The following DYRK1B variants were observed in gnomAD, a reference collection of about 807,000 sequenced individuals.
The protein encoded by DYRK1B is dual specificity tyrosine-phosphorylation-regulated kinase 1B.
In DYRK1B, 20 loss-of-function variants were observed where a neutral mutation model predicts 57.1. The observed-to-expected ratio is 0.35, with a 90% CI of 0.25 to 0.51. DYRK1B has a LOEUF of 0.51. DYRK1B is among the 20% of genes least tolerant of loss of function. The pLI is 0.96. For missense variants in DYRK1B, 732 were observed against 886.3 expected, an observed-to-expected ratio of 0.83 and a Z score of 2.21; for synonymous variants, 409 against 384.7, an observed-to-expected ratio of 1.06 and a Z score of -0.74.
At position 39,830,567 on chromosome 19, in the gene DYRK1B, C is replaced by CCCAG. The variant is rs763058312; in HGVS notation, c.184-8_184-5dup. 9.9e-6 allele frequency: 16 copies of CCCAG among 1,613,936 alleles called. No homozygotes were observed. The highest frequency in any genetic ancestry group is 8.8e-5 in the South Asian group (8 of 91,088). The stretch of plus-strand genomic sequence containing the variant: ...GCTTCTTCTTCGCATAGTATACCTG[C>CCCAG]CCAGCCAGCCAGCCAGGAGATGGGG... On this transcript the variant is annotated splice_region_variant and splice_polypyrimidine_tract_variant and intron_variant, in intron 3 of 10. Coordinates refer to ENST00000323039, the MANE Select transcript of DYRK1B (RefSeq NM_004714.3).
In DYRK1B at chr19:39,825,965, C is replaced by A. The variant is rs375200082; in HGVS notation, c.1640G>T (p.Arg547Leu). 5 of 1,486,146 alleles carry A rather than the reference C, an allele frequency of 3.4e-6. No individual in the cohort carries two copies. The highest frequency in any genetic ancestry group is 4.5e-6 in the Non-Finnish European group (5 of 1,118,964). The allele number at this position is 1,486,146 out of a possible 1,614,324, so 92.1% of individuals were successfully genotyped here. ...TGGTGATGGGGGACGACCAAGGTAT[C>A]GGGGCTGGGGGGGTAACTGGGCCCC... is the stretch of plus-strand genomic sequence containing the variant. ...GTGAQLPPQP[R>L]YLGRPPSPTS... The change falls in exon 11 of 11, where the codon CGA becomes CTA. Residue 547 changes from arginine to leucine, a missense_variant. This residue lies in a region of DYRK1B where 222 missense variants were observed against 205.0 expected (regional missense o/e 1.08). Coordinates refer to ENST00000323039, the MANE Select transcript of DYRK1B (RefSeq NM_004714.3).
At chr19:39,833,187 T>C in intron 1 of DYRK1B, 1 of 985,720 alleles carries the variant, frequency 1.0e-6, no homozygotes. Flanking sequence ...TCCTCCACCC[T>C]TGGAGCTTCC....
At chr19:39,830,109 G>GACCC in intron 4 of DYRK1B, 82 bp from the exon 5 acceptor site, 1 of 1,537,658 alleles carries the variant, frequency 6.5e-7, no homozygotes. Flanking sequence ...CAGGCAAGGA[G>GACCC]ACCCACCAAG....
chr19:39,830,625 C>A (rs755676515), intron 3 of DYRK1B, 39 bp downstream of exon 3: 1 of 1,612,980 alleles, frequency 6.2e-7, no homozygotes, highest in Non-Finnish European at 8.5e-7. Flanking sequence ...CAGACAAGAC[C>A]CTCGGCACCC....
rs750833274 is a variant in DYRK1B at position 39,827,673 on chromosome 19, C to T, written c.808-17G>A. 11 of 1,608,642 alleles carry T rather than the reference C, an allele frequency of 6.8e-6. No homozygotes were observed. The highest frequency in any genetic ancestry group is 9.4e-6 in the Non-Finnish European group (11 of 1,175,910). On this transcript the variant is annotated splice_polypyrimidine_tract_variant and intron_variant, in intron 6 of 10. Transcript: ENST00000323039. ...CTGGTAGATCTGGGAAAAGGGTAAT[C>T]GTCAAGGGACCCAGCCTCCCCTACT...
chr19:39,828,234 C>G lies in DYRK1B; in HGVS notation c.807+63G>C. On this transcript the variant is annotated intron_variant, in intron 6 of 10. Transcript: ENST00000323039. The surrounding 1 kb of genome is among the most constrained non-coding windows in gnomAD (Gnocchi z 4.3). ...TCCCAGCCAAGCCCCGCCCCTAAGC[C>G]TCCCGTTGGCTCTGCCCCACCCAAA... 1 of 1,565,410 alleles carries G rather than the reference C, an allele frequency of 6.4e-7. No individual in the cohort carries two copies. Among genetic ancestry groups the G allele is most frequent in the South Asian group, 1.2e-5 (1 of 85,016 alleles).
intron 5 of DYRK1B, 132 bp downstream of exon 5, chr19:39,829,748 G>A (rs756008652): frequency 1.0e-6 from 1 of 1,001,552 alleles, no homozygotes; most frequent in Non-Finnish European, 1.4e-6. Flanking sequence ...TGATGTCAGA[G>A]AAGCACAGAC....
Position 39,828,642 on chromosome 19 carries a change from GGCCT to G in DYRK1B, c.521-63_521-60del. On this transcript the variant is annotated intron_variant, in intron 5 of 10. Transcript: ENST00000323039. The surrounding 1 kb of genome is among the most constrained non-coding windows in gnomAD (Gnocchi z 4.3). ...AAACGGCTCAGAGAGGGCAGGTGGT[GGCCT>G]GGGGTCATACAACGCTCTTTGATTA... 6.5e-7 allele frequency: 1 copy of G among 1,535,122 alleles called. No homozygotes were observed. The highest frequency in any genetic ancestry group is 2.3e-5 in the East Asian group (1 of 43,366).
intron 2 of DYRK1B, among the ~76,000 whole-genome samples, chr19:39,831,227 C>G (rs1360150100): frequency 6.6e-6 from 1 of 152,178 alleles, no homozygotes; most frequent in Non-Finnish European, 1.5e-5. Flanking sequence ...ACAGTTCTTT[C>G]ACCCCAAGGC....
Position 39,831,976 on chromosome 19 carries a change from C to CAGGTCTCAGCTG in DYRK1B, c.-101-9_-101-8insCAGCTGAGACCT, listed in dbSNP as rs1272133681. Reference sequence around the variant, plus strand: ...TGCCACCGCCGCTGAGACCTGAGAGCAGACAGGAAGTGGGAAAACAACATG... The same window carrying CAGGTCTCAGCTG: ...TGCCACCGCCGCTGAGACCTGAGAGCAGGTCTCAGCTGAGACAGGAAGTGGGAAAACAACATG... On this transcript the variant is annotated splice_polypyrimidine_tract_variant and intron_variant, in intron 1 of 10. Transcript: ENST00000323039. The CAGGTCTCAGCTG allele has an allele frequency of 1.4e-6, 2 of 1,421,708 alleles. No homozygotes were observed. Among genetic ancestry groups the CAGGTCTCAGCTG allele is most frequent in the Non-Finnish European group, 1.8e-6 (2 of 1,089,834 alleles). The allele number at this position is 1,421,708 out of a possible 1,614,324, so 88.1% of individuals were successfully genotyped here.
In DYRK1B at chr19:39,826,189, G is replaced by A; in HGVS notation, c.1509C>T (p.Asn503=). ...PGPPITDCEM[N]SPQVPPSQPL... ...CCCAAAGCCCCATTACCTGGGGGCT[G>A]TTCATCTCACAGTCTGTGATAGGGG... Residue 503 remains asparagine (N), a synonymous_variant, in exon 10 of 11, where the codon AAC becomes AAT. Coordinates refer to ENST00000323039, the MANE Select transcript of DYRK1B (RefSeq NM_004714.3). This position sits in a 1 kb window ranked among gnomAD's most constrained non-coding sequence, Gnocchi z 6.3. 3 of 1,587,786 alleles carry A rather than the reference G, an allele frequency of 1.9e-6. No homozygotes were observed. The highest frequency in any genetic ancestry group is 1.7e-6 in the Non-Finnish European group (2 of 1,169,384).
chr19:39,828,591 G>T lies in DYRK1B; in HGVS notation c.521-8C>A. Reference sequence around the variant, plus strand: ...AGTGCCGCTTCAGGTGTACTGCGGGGGAGGGGAGGAAATGGGCCAGAGAAG... The same window carrying T: ...AGTGCCGCTTCAGGTGTACTGCGGGTGAGGGGAGGAAATGGGCCAGAGAAG... On this transcript the variant is annotated splice_region_variant and splice_polypyrimidine_tract_variant and intron_variant, in intron 5 of 10. Transcript: ENST00000323039. The surrounding 1 kb of genome is among the most constrained non-coding windows in gnomAD (Gnocchi z 4.3). 1 of 1,601,448 alleles carries T rather than the reference G, an allele frequency of 6.2e-7. No individual in the cohort carries two copies. The highest frequency in any genetic ancestry group is 8.5e-7 in the Non-Finnish European group (1 of 1,170,404).
At chr19:39,829,595 T>C (rs1968711749) in intron 5 of DYRK1B, 1 of 306,170 alleles carries the variant, frequency 3.3e-6, no homozygotes, top group Admixed American at 4.9e-5. Flanking sequence ...AAGATGTTGT[T>C]AATAATGCCC....
Position 39,825,476 on chromosome 19 carries a change from T to G in DYRK1B, c.*239A>C. The G allele has an allele frequency of 3.7e-6, 2 of 538,712 alleles. No individual in the cohort carries two copies. The highest frequency in any genetic ancestry group is 6.6e-6 in the Non-Finnish European group (2 of 302,758). The allele number at this position is 538,712 out of a possible 1,614,324, so 33.4% of individuals were successfully genotyped here. On this transcript the variant is annotated 3_prime_UTR_variant, in exon 11 of 11. Coordinates refer to ENST00000323039, the MANE Select transcript of DYRK1B (RefSeq NM_004714.3). ...TCCCTCCACCGGACCACCACTGTCT[T>G]TGGTACAATAAATAGAAAAAAAGGG... is the stretch of plus-strand genomic sequence containing the variant.
chr19:39,830,134 T>A (rs565547335), intron 4 of DYRK1B, 107 bp from the exon 5 acceptor site: 25 of 1,419,488 alleles, frequency 1.8e-5, no homozygotes, highest in South Asian at 2.6e-5. Context: ...CTATGCATAC[T>A]TCGCAGCTGA....
chr19:39,827,232 G>T (rs1304661477), intron 8 of DYRK1B, 53 bp downstream of exon 8: 1 of 1,559,660 alleles, frequency 6.4e-7, no homozygotes, highest in Admixed American at 1.8e-5. Flanking sequence ...AGAGCCCCAA[G>T]TGTGAGTGAG....
In DYRK1B at chr19:39,828,158, AC is replaced by A; in HGVS notation, c.807+138del. 1.0e-6 allele frequency: 1 copy of A among 981,338 alleles called. No homozygotes were observed. The highest frequency in any genetic ancestry group is 1.5e-6 in the Non-Finnish European group (1 of 679,612). The allele number at this position is 981,338 out of a possible 1,614,324, so 60.8% of individuals were successfully genotyped here. A position where few individuals can be genotyped will look rare whatever the true frequency, so the allele number is the denominator to read the frequency against. On this transcript the variant is annotated intron_variant, in intron 6 of 10. Coordinates refer to ENST00000323039, the MANE Select transcript of DYRK1B (RefSeq NM_004714.3). The surrounding 1 kb of genome is among the most constrained non-coding windows in gnomAD (Gnocchi z 4.3). ...CCATCCTAGTGGGCAGTATATTCAC[AC>A]CCCCACCCCAAGCATTATCCCTCAG...
intron 1 of DYRK1B, among the ~76,000 whole-genome samples, chr19:39,832,801 G>A (rs1192010924): frequency 6.6e-6 from 1 of 151,946 alleles, no homozygotes; most frequent in Non-Finnish European, 1.5e-5. Context: ...CCACAACAGG[G>A]TTCTTCCCCA....
In DYRK1B at chr19:39,827,601, G is replaced by A. The variant is rs749009681; in HGVS notation, c.863C>T (p.Thr288Ile). The A allele has an allele frequency of 1.9e-6, 3 of 1,614,130 alleles. No homozygotes were observed. The highest frequency in any genetic ancestry group is 4.5e-5 in the East Asian group (2 of 44,890). ...FYRSPEVLLG[T>I]PYDLAIDMWS... ...CATGTCAATGGCCAGGTCGTAGGGT[G>A]TGCCCAGGAGCACCTCAGGTGAGCG... The change falls in exon 7 of 11, where the codon ACA becomes ATA. Residue 288 changes from threonine (T) to isoleucine (I), a missense_variant. This residue lies in a region of DYRK1B where 510 missense variants were observed against 681.3 expected (regional missense o/e 0.75). Coordinates refer to ENST00000323039, the MANE Select transcript of DYRK1B (RefSeq NM_004714.3).
Sources: gnomAD v4.1 joint callset for allele counts (sites outside exome capture counted in the v4.1 genomes callset) on GRCh38, gnomAD v4.1.1 for gene constraint, gnomAD v4.1.1 regional missense constraint, Gnocchi (gnomAD v3.1) non-coding constraint, MANE v1.5 for transcripts, NCBI Gene and HGNC (gene_info 2026-07-23, HGNC 2026-07-21) for gene names.